Variants in TFAP2D observed in about 807,000 individuals in gnomAD.
TFAP2D encodes the protein transcription factor AP-2-delta.
TFAP2D carries 9 observed loss-of-function variants against 43.6 expected under a neutral mutation model. That is an observed-to-expected ratio of 0.21 (90% CI 0.12 to 0.36). The LOEUF is 0.36. TFAP2D is among the 10% of genes least tolerant of loss of function. The pLI is 1.00. For missense variants in TFAP2D, 513 were observed against 561.4 expected, an observed-to-expected ratio of 0.91 and a Z score of 0.87; for synonymous variants, 256 against 224.9, an observed-to-expected ratio of 1.14 and a Z score of -1.24.
At chr6:50,771,646 A>C (rs1168678975) in intron 7 of TFAP2D, among the ~76,000 whole-genome samples, 1 of 152,214 alleles carries the variant, frequency 6.6e-6, no homozygotes, top group Non-Finnish European at 1.5e-5. Context: ...CATGTGTTAA[A>C]TATTTAGACT....
chr6:50,730,567 T>C (rs1249752243), intron 5 of TFAP2D, among the ~76,000 whole-genome samples: 3 of 152,132 alleles, frequency 2.0e-5, no homozygotes, highest in Non-Finnish European at 4.4e-5. Context: ...CTGCACATTT[T>C]AAGTAAAAAT....
At chr6:50,718,891 A>T (rs1027538286) in intron 2 of TFAP2D, among the ~76,000 whole-genome samples, 199 bp from the exon 3 acceptor site, 1 of 152,200 alleles carries the variant, frequency 6.6e-6, no homozygotes, top group African/African-American at 2.4e-5. Flanking sequence ...CTTAAGATTT[A>T]TACAACTTTT....
intron 3 of TFAP2D, among the ~76,000 whole-genome samples, chr6:50,721,911 G>A (rs889329650): frequency 1.3e-5 from 2 of 152,202 alleles, no homozygotes; most frequent in African/African-American, 4.8e-5. Context: ...GAAGAAATAT[G>A]GGTGACTATG....
At chr6:50,715,821 G>A (rs1182832432) in intron 2 of TFAP2D, among the ~76,000 whole-genome samples, 1 of 151,866 alleles carries the variant, frequency 6.6e-6, no homozygotes, top group East Asian at 1.9e-4. Context: ...GGAGGAGTGT[G>A]CCCGTTCTCT....
At chr6:50,750,062 T>G (rs971008154) in intron 6 of TFAP2D, among the ~76,000 whole-genome samples, 1 of 151,926 alleles carries the variant, frequency 6.6e-6, no homozygotes, top group African/African-American at 2.4e-5. Context: ...ATTCAATAAA[T>G]TTTAGATACC....
intron 3 of TFAP2D, among the ~76,000 whole-genome samples, chr6:50,719,891 G>A (rs745536830): frequency 7.2e-5 from 11 of 152,246 alleles, no homozygotes; most frequent in Admixed American, 1.3e-4. Flanking sequence ...CTTTCAGCTC[G>A]GGCACTAAAG....
At chr6:50,757,069 C>A (rs1396521778) in intron 7 of TFAP2D, among the ~76,000 whole-genome samples, 1 of 151,548 alleles carries the variant, frequency 6.6e-6, no homozygotes, top group East Asian at 1.9e-4. Context: ...GACACCCTGT[C>A]CAAAAGATGA....
intron 5 of TFAP2D, among the ~76,000 whole-genome samples, chr6:50,738,424 C>T (rs1331315091): frequency 2.0e-5 from 3 of 151,834 alleles, no homozygotes; most frequent in African/African-American, 4.8e-5. Context: ...TATTTCATGG[C>T]TTTTAGTTTT....
intron 5 of TFAP2D, among the ~76,000 whole-genome samples, chr6:50,733,183 A>C (rs760218034): frequency 6.6e-6 from 1 of 152,130 alleles, no homozygotes; most frequent in South Asian, 2.1e-4. Context: ...GGGGGTCTAC[A>C]TAACATAGAT....
rs1260753092 is a variant in TFAP2D at position 50,745,163 on chromosome 6, G to A, written c.940G>A (p.Ala314Thr). The change falls in exon 6 of 8, where the codon GCC becomes ACC. Residue 314 changes from alanine (A) to threonine (T), a missense_variant. This residue lies in a region of TFAP2D where 199 missense variants were observed against 227.9 expected (regional missense o/e 0.87). Coordinates refer to ENST00000008391, the MANE Select transcript of TFAP2D (RefSeq NM_172238.4). ...FGYTCETEFPAKAVGEHLARQ... is the reference protein window; with the variant it reads ...FGYTCETEFPTKAVGEHLARQ... ...CTACACTTGTGAAACAGAGTTTCCAGCCAAAGCAGTAGGAGAACATCTTGC... is the reference window on the plus strand; with the variant it reads ...CTACACTTGTGAAACAGAGTTTCCAACCAAAGCAGTAGGAGAACATCTTGC... The A allele has an allele frequency of 6.2e-7, 1 of 1,613,676 alleles. No individual in the cohort carries two copies. The highest frequency in any genetic ancestry group is 1.7e-5 in the Admixed American group (1 of 59,916).
chr6:50,771,621 G>A (rs547957578), intron 7 of TFAP2D, among the ~76,000 whole-genome samples: 1 of 152,312 alleles, frequency 6.6e-6, no homozygotes, highest in East Asian at 1.9e-4. Flanking sequence ...TTCTTAATGA[G>A]GTGGAGAATC....
At chr6:50,758,822 G>C (rs1444422125) in intron 7 of TFAP2D, among the ~76,000 whole-genome samples, 1 of 152,000 alleles carries the variant, frequency 6.6e-6, no homozygotes, top group Non-Finnish European at 1.5e-5. Context: ...AATTAAATCT[G>C]TAATCTCAAA....
intron 7 of TFAP2D, among the ~76,000 whole-genome samples, chr6:50,761,026 G>A (rs1033277109): frequency 3.3e-5 from 5 of 151,324 alleles, no homozygotes; most frequent in Non-Finnish European, 5.9e-5. Flanking sequence ...AATAATCTTA[G>A]AGGAAAGGAA....
chr6:50,731,074 A>G (rs1201129619), intron 5 of TFAP2D, among the ~76,000 whole-genome samples: 1 of 152,058 alleles, frequency 6.6e-6, no homozygotes, highest in Non-Finnish European at 1.5e-5. Flanking sequence ...CATGGGAATT[A>G]TCAATCTGTA....
intron 2 of TFAP2D, 114 bp from the exon 3 acceptor site, chr6:50,718,976 T>C (rs1290186856): frequency 9.7e-7 from 1 of 1,027,888 alleles, no homozygotes; most frequent in Admixed American, 2.6e-5. Context: ...ATGCTTGCTT[T>C]CAAATGTCTA....
rs762746096 is a variant in TFAP2D, at chr6:50,751,319, T to C, written c.1134T>C (p.His378=). 2.5e-6 allele frequency: 4 copies of C among 1,607,608 alleles called. No individual in the cohort carries two copies. The highest frequency in any genetic ancestry group is 1.1e-5 in the South Asian group (1 of 90,930). ...LDLDIQRHLT[H]FSLITHGFGT... ...TTGACATCCAGAGACATTTAACACATTTCAGGTAAGACTGGTTTTCCAGTT... is the reference window on the plus strand; with the variant it reads ...TTGACATCCAGAGACATTTAACACACTTCAGGTAAGACTGGTTTTCCAGTT... The change falls in exon 7 of 8, where the codon CAT becomes CAC. Residue 378 remains histidine, a synonymous_variant. Coordinates refer to ENST00000008391, the MANE Select transcript of TFAP2D (RefSeq NM_172238.4).
intron 5 of TFAP2D, among the ~76,000 whole-genome samples, chr6:50,737,832 T>C (rs1768984713): frequency 6.6e-6 from 1 of 152,202 alleles, no homozygotes; most frequent in African/African-American, 2.4e-5. Flanking sequence ...TTAGGTGTTT[T>C]CAGTCTTTGG....
intron 3 of TFAP2D, among the ~76,000 whole-genome samples, chr6:50,720,599 C>T (rs1768705160): frequency 6.6e-6 from 1 of 151,866 alleles, no homozygotes; most frequent in African/African-American, 2.4e-5. Flanking sequence ...TTGCCAGCCA[C>T]GCTGGTACTC....
intron 5 of TFAP2D, among the ~76,000 whole-genome samples, chr6:50,736,717 TG>T (rs1561935340): frequency 1.3e-5 from 2 of 152,144 alleles, no homozygotes; most frequent in Non-Finnish European, 2.9e-5. Flanking sequence ...TCACTGTGTT[TG>T]ACTATGTGCT....
Sources: gnomAD v4.1 joint callset for allele counts (sites outside exome capture counted in the v4.1 genomes callset) on GRCh38, gnomAD v4.1.1 for gene constraint, gnomAD v4.1.1 regional missense constraint, MANE v1.5 for transcripts, NCBI Gene and HGNC (gene_info 2026-07-23, HGNC 2026-07-21) for gene names.